The following ROR1 variants were observed in gnomAD, a reference collection of about 807,000 sequenced individuals.
The protein encoded by ROR1 is inactive tyrosine-protein kinase transmembrane receptor ROR1.
Under a neutral mutation model 78.8 loss-of-function variants are expected in ROR1, and 19 were observed. The observed-to-expected ratio is 0.24, with a 90% CI of 0.17 to 0.35. ROR1 has a LOEUF of 0.35. Among genes scored for constraint, ROR1 ranks in the 10% least tolerant of loss-of-function variants. The pLI is 1.00. For synonymous variants in ROR1, 386 were observed against 433.6 expected, an observed-to-expected ratio of 0.89 and a Z score of 1.36; for missense variants, 917 against 1,177.8, an observed-to-expected ratio of 0.78 and a Z score of 3.24.
chr1:64,099,170 A>G (rs1647420344), intron 4 of ROR1, among the ~76,000 whole-genome samples: 1 of 152,172 alleles, frequency 6.6e-6, no homozygotes, highest in Admixed American at 6.6e-5. Context: ...TCCTGCTCAC[A>G]GTGCATGTCA....
chr1:64,148,116 T>G (rs1023504738), intron 7 of ROR1, among the ~76,000 whole-genome samples: 1 of 152,356 alleles, frequency 6.6e-6, no homozygotes, highest in Middle Eastern at 3.4e-3. Flanking sequence ...ATGCTTACAA[T>G]GAGCTGAAAA....
At chr1:63,843,222 G>A (rs1645060105) in intron 1 of ROR1, 5 of 1,498,688 alleles carry the variant, frequency 3.3e-6, no homozygotes, top group East Asian at 2.3e-5. Flanking sequence ...GGAGATGACC[G>A]CACTGCCCCC....
chr1:64,007,648 T>G (rs1220680890), intron 1 of ROR1, among the ~76,000 whole-genome samples: 1 of 152,178 alleles, frequency 6.6e-6, no homozygotes, highest in Non-Finnish European at 1.5e-5. Flanking sequence ...AAAATTATAT[T>G]TTAAGTTATT....
At chr1:64,021,865 T>C (rs1407496452) in intron 2 of ROR1, among the ~76,000 whole-genome samples, 2 of 152,150 alleles carry the variant, frequency 1.3e-5, no homozygotes, top group African/African-American at 4.8e-5. Flanking sequence ...AAAAAATAAG[T>C]AGAAGACATA....
At chr1:63,777,869 T>C (rs972220274) in intron 1 of ROR1, among the ~76,000 whole-genome samples, 1 of 152,228 alleles carries the variant, frequency 6.6e-6, no homozygotes. Context: ...ATATAGTAAG[T>C]GGTCCATAGA....
At chr1:63,796,792 G>C (rs111669173) in intron 1 of ROR1, among the ~76,000 whole-genome samples, 15 of 152,242 alleles carry the variant, frequency 9.9e-5, no homozygotes, top group African/African-American at 2.4e-5. Flanking sequence ...TTGCAGAGTC[G>C]AGGTGACTGA....
chr1:63,775,936 A>G (rs1481074756), intron 1 of ROR1, among the ~76,000 whole-genome samples: 1 of 152,248 alleles, frequency 6.6e-6, no homozygotes, highest in Non-Finnish European at 1.5e-5. Flanking sequence ...AAATGTAAAC[A>G]GCTTGGTCAC....
At chr1:63,830,539 A>G (rs1354618709) in intron 1 of ROR1, among the ~76,000 whole-genome samples, 1 of 152,074 alleles carries the variant, frequency 6.6e-6, no homozygotes, top group Non-Finnish European at 1.5e-5. Flanking sequence ...GTTTAAAACA[A>G]CCACTATCGT....
Position 64,024,493 on chromosome 1 carries a change from C to CA in ROR1, c.163+15123dup, listed in dbSNP as rs577210294. ...GAGACTCCATCTCAAAAACAAAAAA[C>CA]AAAAAACAAAAAAAACAAAAACAAA... On this transcript the variant is annotated intron_variant, in intron 2 of 8. Coordinates refer to ENST00000371079, the MANE Select transcript of ROR1 (RefSeq NM_005012.4). Among the ~76,000 whole-genome samples, 473 of 151,614 alleles carry CA rather than the reference C, an allele frequency of 3.1e-3. 3 individuals are homozygous for CA. Among genetic ancestry groups the CA allele is most frequent in the African/African-American group, 0.011 (451 of 41,362 alleles).
chr1:64,121,983 C>T (rs1210764571), intron 4 of ROR1, among the ~76,000 whole-genome samples: 1 of 152,212 alleles, frequency 6.6e-6, no homozygotes, highest in Non-Finnish European at 1.5e-5. Flanking sequence ...GCTGCCACAA[C>T]CTGGCCACCA....
intron 1 of ROR1, among the ~76,000 whole-genome samples, chr1:63,988,191 A>G (rs1646266726): frequency 6.6e-6 from 1 of 152,220 alleles, no homozygotes; most frequent in Admixed American, 6.5e-5. Context: ...ATTGTAAATC[A>G]ACTCCAGGAC....
intron 1 of ROR1, among the ~76,000 whole-genome samples, chr1:63,936,392 G>A (rs1431987105): frequency 6.6e-6 from 1 of 151,990 alleles, no homozygotes; most frequent in Non-Finnish European, 1.5e-5. Flanking sequence ...CAGTCATTGT[G>A]GTATTTCATA....
Position 64,089,800 on chromosome 1 carries a change from C to T in ROR1, c.482+39084C>T, listed in dbSNP as rs138420472. Among the ~76,000 whole-genome samples, 857 of 152,278 alleles carry T rather than the reference C, an allele frequency of 5.6e-3. 11 individuals are homozygous for T. Among genetic ancestry groups the T allele is most frequent in the African/African-American group, 0.019 (805 of 41,546 alleles). ...ATGATACGGTTTGGTTGTTTCCCTACCCAAATCTCATCCTGAATTGTAGCT... is the reference window on the plus strand; with the variant it reads ...ATGATACGGTTTGGTTGTTTCCCTATCCAAATCTCATCCTGAATTGTAGCT... On this transcript the variant is annotated intron_variant, in intron 4 of 8. Transcript: ENST00000371079.
chr1:63,844,828 A>G (rs1645071144), intron 1 of ROR1, among the ~76,000 whole-genome samples: 1 of 152,226 alleles, frequency 6.6e-6, no homozygotes, highest in Non-Finnish European at 1.5e-5. Flanking sequence ...TGCAAATGGA[A>G]GGTCATGCAA....
At chr1:63,989,195 C>T (rs1476036149) in intron 1 of ROR1, among the ~76,000 whole-genome samples, 6 of 137,048 alleles carry the variant, frequency 4.4e-5, no homozygotes, top group African/African-American at 1.7e-4. Flanking sequence ...AACTCTTTAG[C>T]GTTGTAATGG....
At chr1:64,009,447 T>C in intron 2 of ROR1, 71 bp downstream of exon 2, 6 of 1,174,928 alleles carry the variant, frequency 5.1e-6, no homozygotes, top group Non-Finnish European at 6.4e-6. Context: ...GGCATGACCT[T>C]CTTTGAAATC....
chr1:63,842,428 G>A (rs1645054638), intron 1 of ROR1, among the ~76,000 whole-genome samples: 1 of 152,182 alleles, frequency 6.6e-6, no homozygotes, highest in Non-Finnish European at 1.5e-5. Context: ...CATACATGAA[G>A]TGCATTGCGT....
At chr1:63,840,922 C>T (rs1298055710) in intron 1 of ROR1, among the ~76,000 whole-genome samples, 1 of 152,218 alleles carries the variant, frequency 6.6e-6, no homozygotes, top group African/African-American at 2.4e-5. Flanking sequence ...GTGTTAACTA[C>T]TACTGTTTTC....
intron 1 of ROR1, among the ~76,000 whole-genome samples, chr1:63,796,138 G>C (rs1019359745): frequency 6.6e-6 from 1 of 151,278 alleles, no homozygotes; most frequent in Non-Finnish European, 1.5e-5. Flanking sequence ...AGGACGATGG[G>C]ATTTTTTTTT....
Sources: allele counts gnomAD v4.1 joint callset (sites outside exome capture counted in the v4.1 genomes callset), GRCh38; gene constraint gnomAD v4.1.1; transcripts MANE v1.5; gene names NCBI Gene and HGNC (gene_info 2026-07-23, HGNC 2026-07-21).